MANBA: variants seen among roughly 807,000 people sequenced by gnomAD.
MANBA encodes mannosidase beta, also known as beta-mannosidase.
MANBA carries 83 observed loss-of-function variants against 111.1 expected under a neutral mutation model. The observed-to-expected ratio is 0.75, with a 90% CI of 0.63 to 0.90. MANBA has a LOEUF of 0.90. Ranked by LOEUF, MANBA falls within the 40% of genes least tolerant of loss-of-function variation. MANBA has a pLI of 0.00. For synonymous variants in MANBA, 370 were observed against 378.7 expected (o/e 0.98, Z 0.27); for missense variants, 1,036 against 1,069.0 (o/e 0.97, Z 0.43).
chr4:102,746,491 G>A (rs771209845), intron 1 of MANBA, among the ~76,000 whole-genome samples: 1 of 152,284 alleles, frequency 6.6e-6, no homozygotes, highest in Non-Finnish European at 1.5e-5. Flanking sequence ...TCCAGTGAAC[G>A]TAGGAGCAAC....
In MANBA at chr4:102,653,220, GCACACACACACACACACA is replaced by G. The variant is rs71596357; in HGVS notation, c.1705-2537_1705-2520del. Among the ~76,000 whole-genome samples, 269 of 145,612 alleles carry G rather than the reference GCACACACACACACACACA, an allele frequency of 1.8e-3. 1 individual carries two copies. The highest frequency in any genetic ancestry group is 6.0e-3 in the African/African-American group (234 of 39,082). ...CACACGCGCATATGCAGATCTACAT[GCACACACACACACACACA>G]CACACACACACACACACACACACAC... On this transcript the variant is annotated intron_variant, in intron 12 of 16. Coordinates refer to ENST00000647097, the MANE Select transcript of MANBA (RefSeq NM_005908.4).
At chr4:102,730,211 A>G (rs1578945773) in intron 1 of MANBA, 7 of 619,392 alleles carry the variant, frequency 1.1e-5, no homozygotes, top group Admixed American at 6.1e-5. Context: ...CGAACCAGAT[A>G]GAGATCCCAG....
intron 5 of MANBA, among the ~76,000 whole-genome samples, chr4:102,697,800 T>A (rs1335147259): frequency 6.6e-6 from 1 of 152,026 alleles, no homozygotes; most frequent in Non-Finnish European, 1.5e-5. Flanking sequence ...CTATTGTGAA[T>A]AGTGCCACAA....
chr4:102,732,899 G>C (rs189687360), intron 1 of MANBA, among the ~76,000 whole-genome samples: 46 of 152,260 alleles, frequency 3.0e-4, no homozygotes, highest in African/African-American at 1.1e-3. Context: ...GAAGGTGTGA[G>C]AGCAATTCAG....
At chr4:102,657,632 T>C in intron 12 of MANBA, 50 bp downstream of exon 12, 1 of 1,411,810 alleles carries the variant, frequency 7.1e-7, no homozygotes, top group Admixed American at 1.7e-5. Context: ...AATAAACACA[T>C]GCCCACAGTC....
At chr4:102,711,002 C>T (rs543225298) in intron 5 of MANBA, among the ~76,000 whole-genome samples, 255 of 152,118 alleles carry the variant, frequency 1.7e-3, no homozygotes, top group African/African-American at 5.8e-3. Context: ...AGACCTGAAA[C>T]GATAAAACTA....
At chr4:102,662,795 C>T (rs1415558268) in intron 11 of MANBA, 1 of 156,726 alleles carries the variant, frequency 6.4e-6, no homozygotes, top group Non-Finnish European at 1.4e-5. Context: ...CCAGAGGAGT[C>T]TACTGTGCTA....
chr4:102,694,100 C>T (rs942095852), intron 5 of MANBA, among the ~76,000 whole-genome samples: 12 of 152,250 alleles, frequency 7.9e-5, no homozygotes, highest in Middle Eastern at 6.8e-3. Flanking sequence ...CAAAGGTCAT[C>T]GGCAAAATTC....
At chr4:102,706,517 G>A (rs28790637) in intron 5 of MANBA, among the ~76,000 whole-genome samples, 4,233 of 152,196 alleles carry the variant, frequency 0.028, 134 homozygotes, top group African/African-American at 0.078. Flanking sequence ...TACCAGATGC[G>A]TGGATATAAA....
intron 1 of MANBA, among the ~76,000 whole-genome samples, chr4:102,748,889 G>A (rs1416919068): frequency 1.3e-5 from 2 of 151,936 alleles, no homozygotes; most frequent in African/African-American, 4.8e-5. Flanking sequence ...CTCCAGCCTG[G>A]GTGACAAAGC....
At chr4:102,692,716 G>A (rs745664528) in intron 5 of MANBA, among the ~76,000 whole-genome samples, 5 of 152,052 alleles carry the variant, frequency 3.3e-5, no homozygotes, top group Admixed American at 6.6e-5. Flanking sequence ...TCTATGATTC[G>A]TGGCAAAGTA....
intron 11 of MANBA, among the ~76,000 whole-genome samples, chr4:102,659,779 C>T (rs1188613281): frequency 6.6e-6 from 1 of 152,102 alleles, no homozygotes; most frequent in Non-Finnish European, 1.5e-5. Context: ...CCACTTATTC[C>T]CTCTCAGGTG....
chr4:102,679,087 T>C (rs921014282), intron 7 of MANBA, among the ~76,000 whole-genome samples: 1 of 152,222 alleles, frequency 6.6e-6, no homozygotes, highest in Non-Finnish European at 1.5e-5. Context: ...GTTCTGAAAG[T>C]GCTCCCCCAT....
chr4:102,664,099 T>G (rs916723996), intron 11 of MANBA, among the ~76,000 whole-genome samples: 1 of 152,180 alleles, frequency 6.6e-6, no homozygotes, highest in African/African-American at 2.4e-5. Context: ...GATTCTAAAC[T>G]TTTTGGGATC....
At chr4:102,642,635 T>C (rs1729932439) in intron 13 of MANBA, among the ~76,000 whole-genome samples, 1 of 152,080 alleles carries the variant, frequency 6.6e-6, no homozygotes, top group Non-Finnish European at 1.5e-5. Context: ...AAATGCCTAT[T>C]CTCAGCAGCT....
intron 5 of MANBA, among the ~76,000 whole-genome samples, chr4:102,704,296 A>G (rs1470438044): frequency 6.6e-6 from 1 of 152,090 alleles, no homozygotes; most frequent in East Asian, 1.9e-4. Flanking sequence ...ATCCCACCTC[A>G]GCCTCCGAAT....
intron 5 of MANBA, among the ~76,000 whole-genome samples, chr4:102,694,097 C>G (rs571991020): frequency 1.3e-5 from 2 of 152,246 alleles, no homozygotes; most frequent in South Asian, 4.1e-4. Flanking sequence ...CCTCAAAGGT[C>G]ATCGGCAAAA....
chr4:102,676,162 C>T (rs1731718036), intron 7 of MANBA, among the ~76,000 whole-genome samples: 1 of 152,092 alleles, frequency 6.6e-6, no homozygotes, highest in Non-Finnish European at 1.5e-5. Context: ...TTTCTCTTGA[C>T]TTTATGGATG....
At position 102,664,964 on chromosome 4, in the gene MANBA, T is replaced by C. The variant is rs1328905311; in HGVS notation, c.1318-112A>G. ...GCATTTCTGCACATAAATTCTTATGTGCCAAAAACCTAATTTGAAAATGGC... is the reference window on the plus strand; with the variant it reads ...GCATTTCTGCACATAAATTCTTATGCGCCAAAAACCTAATTTGAAAATGGC... On this transcript the variant is annotated intron_variant, in intron 10 of 16. Transcript: ENST00000647097. 4 of 803,050 alleles carry C rather than the reference T, an allele frequency of 5.0e-6. No homozygotes were observed. The East Asian group carries it at 1.1e-4, about 21-fold the overall frequency. The allele number at this position is 803,050 out of a possible 1,614,324, so 49.7% of individuals were successfully genotyped here.
Sources: allele counts gnomAD v4.1 joint callset (sites outside exome capture counted in the v4.1 genomes callset), GRCh38; gene constraint gnomAD v4.1.1; transcripts MANE v1.5; gene names NCBI Gene and HGNC (gene_info 2026-07-23, HGNC 2026-07-21).